Variants in GABRG3 observed in about 807,000 individuals in gnomAD.
The protein encoded by GABRG3 is gamma-aminobutyric acid receptor subunit gamma-3.
Under a neutral mutation model 48.8 loss-of-function variants are expected in GABRG3, and 25 were observed. The observed-to-expected ratio is 0.51, with a 90% CI of 0.37 to 0.72. The LOEUF is 0.72. Ranked by LOEUF, GABRG3 falls within the 30% of genes least tolerant of loss-of-function variation. The pLI, the probability that GABRG3 is intolerant of heterozygous loss-of-function variation, is 0.00. For missense variants in GABRG3, 394 were observed against 577.9 expected (o/e 0.68, Z 3.26); for synonymous variants, 227 against 217.6 (o/e 1.04, Z -0.38).
intron 3 of GABRG3, among the ~76,000 whole-genome samples, chr15:27,088,769 C>T (rs1897132816): frequency 6.6e-6 from 1 of 152,146 alleles, no homozygotes; most frequent in African/African-American, 2.4e-5. Context: ...CACCTCCCAC[C>T]AGGCCCCTCA....
intron 3 of GABRG3, among the ~76,000 whole-genome samples, chr15:27,249,107 G>T (rs1424163110): frequency 6.6e-6 from 1 of 152,222 alleles, no homozygotes; most frequent in African/African-American, 2.4e-5. Context: ...CGACCTGGGT[G>T]ATGTGGGCTG....
At chr15:26,982,990 G>A (rs1895081706) in intron 2 of GABRG3, among the ~76,000 whole-genome samples, 1 of 152,066 alleles carries the variant, frequency 6.6e-6, no homozygotes, top group African/African-American at 2.4e-5. Flanking sequence ...GCAGAACCCA[G>A]CAACTTGATG....
At chr15:27,211,691 G>A (rs1889085538) in intron 3 of GABRG3, among the ~76,000 whole-genome samples, 1 of 152,130 alleles carries the variant, frequency 6.6e-6, no homozygotes, top group East Asian at 1.9e-4. Flanking sequence ...TCTGTGCAGT[G>A]TGATAAAAGT....
intron 3 of GABRG3, among the ~76,000 whole-genome samples, chr15:27,168,601 G>A (rs894050560): frequency 1.3e-5 from 2 of 152,312 alleles, no homozygotes; most frequent in South Asian, 2.1e-4. Context: ...GGTAGGAGGT[G>A]AGACCTTTGG....
At chr15:27,131,406 TCC>T in intron 3 of GABRG3, among the ~76,000 whole-genome samples, 1 of 152,184 alleles carries the variant, frequency 6.6e-6, no homozygotes. Context: ...TGCTCTATGG[TCC>T]TTTTAATGTG....
intron 3 of GABRG3, among the ~76,000 whole-genome samples, chr15:27,265,949 C>T (rs1397698851): frequency 4.9e-5 from 7 of 142,296 alleles, no homozygotes; most frequent in African/African-American, 1.9e-4. Context: ...GGCAGGATCT[C>T]GGCTCACTGC....
At chr15:27,118,682 G>A (rs1206572091) in intron 3 of GABRG3, among the ~76,000 whole-genome samples, 1 of 152,152 alleles carries the variant, frequency 6.6e-6, no homozygotes, top group Non-Finnish European at 1.5e-5. Flanking sequence ...CTAGGGTTAT[G>A]TCTCAGTCAT....
At chr15:27,358,781 C>T (rs1344430888) in intron 5 of GABRG3, among the ~76,000 whole-genome samples, 41 of 152,162 alleles carry the variant, frequency 2.7e-4, no homozygotes, top group Admixed American at 2.7e-3. Context: ...TGGTGTGCCC[C>T]CGAAAAGCAA....
chr15:27,463,366 A>G (rs570761999), intron 5 of GABRG3, among the ~76,000 whole-genome samples: 2 of 152,260 alleles, frequency 1.3e-5, no homozygotes, highest in South Asian at 2.1e-4. Context: ...CTGACCTCCC[A>G]TCACTAATTT....
Position 27,533,826 on chromosome 15 carries a change from A to T in GABRG3, c.*945A>T, listed in dbSNP as rs1346131172. 3.3e-5 allele frequency: 5 copies of T among 152,058 alleles called. No individual in the cohort carries two copies. The highest frequency in any genetic ancestry group is 9.7e-5 in the African/African-American group (4 of 41,414). The allele number at this position is 152,058 out of a possible 1,614,324, so 9.4% of individuals were successfully genotyped here. A position where few individuals can be genotyped will look rare whatever the true frequency, so the allele number is the denominator to read the frequency against. On this transcript the variant is annotated 3_prime_UTR_variant, in exon 10 of 10. Transcript: ENST00000615808. ...CCGGAATGTGAAAGACATGTAGATAAAATTTTATTTTTATTTTATTTTTTT... is the reference window on the plus strand; with the variant it reads ...CCGGAATGTGAAAGACATGTAGATATAATTTTATTTTTATTTTATTTTTTT...
chr15:27,111,009 G>T (rs1487433876), intron 3 of GABRG3, among the ~76,000 whole-genome samples: 1 of 152,014 alleles, frequency 6.6e-6, no homozygotes, highest in Non-Finnish European at 1.5e-5. Flanking sequence ...TCTCCTACTG[G>T]TGTTCAAATG....
At chr15:27,250,687 A>G (rs191106164) in intron 3 of GABRG3, among the ~76,000 whole-genome samples, 270 of 152,354 alleles carry the variant, frequency 1.8e-3, no homozygotes, top group African/African-American at 6.1e-3. Flanking sequence ...TTGGCCTCCC[A>G]AAGTGCTGGG....
intron 5 of GABRG3, among the ~76,000 whole-genome samples, chr15:27,404,660 C>T (rs565115040): frequency 2.6e-5 from 4 of 152,294 alleles, no homozygotes; most frequent in East Asian, 1.9e-4. Flanking sequence ...GGGCACCCAC[C>T]GCCACTGGCC....
At chr15:27,111,953 A>G (rs1566938228) in intron 3 of GABRG3, among the ~76,000 whole-genome samples, 1 of 151,864 alleles carries the variant, frequency 6.6e-6, no homozygotes, top group African/African-American at 2.4e-5. Context: ...AATGTTTTAC[A>G]ACAGTTACAC....
intron 5 of GABRG3, among the ~76,000 whole-genome samples, chr15:27,343,668 T>G (rs1393140766): frequency 6.6e-6 from 1 of 152,202 alleles, no homozygotes; most frequent in Non-Finnish European, 1.5e-5. Context: ...GCAATTTAAC[T>G]AAGTGGGTGG....
At chr15:27,124,370 G>GGAAAT (rs1442310669) in intron 3 of GABRG3, among the ~76,000 whole-genome samples, 1 of 152,146 alleles carries the variant, frequency 6.6e-6, no homozygotes, top group Non-Finnish European at 1.5e-5. Context: ...TTCACAGGTG[G>GGAAAT]GAAATGAAGG....
chr15:27,067,488 G>A (rs572393001), intron 3 of GABRG3, among the ~76,000 whole-genome samples: 1 of 152,306 alleles, frequency 6.6e-6, no homozygotes, highest in South Asian at 2.1e-4. Context: ...GCTCCCCAGG[G>A]TGGCCGACAA....
intron 2 of GABRG3, among the ~76,000 whole-genome samples, chr15:26,984,422 C>G (rs1056284962): frequency 6.6e-6 from 1 of 152,174 alleles, no homozygotes; most frequent in African/African-American, 2.4e-5. Flanking sequence ...AGTAACAAAT[C>G]TGCATGGAAT....
At chr15:27,500,424 G>T (rs918398866) in intron 6 of GABRG3, among the ~76,000 whole-genome samples, 1 of 152,132 alleles carries the variant, frequency 6.6e-6, no homozygotes, top group South Asian at 2.1e-4. Context: ...CGACTCCACC[G>T]CGACTTCCCT....
Sources: allele counts gnomAD v4.1 joint callset (sites outside exome capture counted in the v4.1 genomes callset), GRCh38; gene constraint gnomAD v4.1.1; transcripts MANE v1.5; gene names NCBI Gene and HGNC (gene_info 2026-07-23, HGNC 2026-07-21).